The following FTO variants were observed in gnomAD, a reference collection of about 807,000 sequenced individuals.
The protein encoded by FTO is FTO alpha-ketoglutarate dependent dioxygenase.
A neutral mutation model predicts 63.9 loss-of-function variants in FTO; 47 were observed. That is an observed-to-expected ratio of 0.74 (90% CI 0.58 to 0.94). The LOEUF (loss-of-function observed/expected upper bound fraction) is 0.94, where lower values mean the gene tolerates loss of function less well. Among genes scored for constraint, FTO ranks in the 40% least tolerant of loss-of-function variants. The pLI is 0.00. For synonymous variants in FTO, 207 were observed against 224.4 expected, an observed-to-expected ratio of 0.92 and a Z score of 0.69; for missense variants, 562 against 618.1, an observed-to-expected ratio of 0.91 and a Z score of 0.96.
chr16:54,010,380 TG>T (rs2084307844), intron 8 of FTO, among the ~76,000 whole-genome samples: 1 of 152,164 alleles, frequency 6.6e-6, no homozygotes, highest in African/African-American at 2.4e-5. Flanking sequence ...CCCTCCAGCC[TG>T]GGTGACAGAG....
chr16:53,920,338 TCTTC>T (rs2081979447), intron 7 of FTO, among the ~76,000 whole-genome samples: 1 of 152,334 alleles, frequency 6.6e-6, no homozygotes, highest in East Asian at 1.9e-4. Flanking sequence ...GGGCCTTGGT[TCTTC>T]CTTCCTGTGC....
chr16:53,800,362 A>AT (rs2078187353), intron 1 of FTO, among the ~76,000 whole-genome samples: 1 of 152,178 alleles, frequency 6.6e-6, no homozygotes, highest in African/African-American at 2.4e-5. Flanking sequence ...CACAGAATAT[A>AT]TTTTTTATGA....
chr16:53,706,451 C>G (rs1337127966), intron 1 of FTO, among the ~76,000 whole-genome samples: 1 of 152,270 alleles, frequency 6.6e-6, no homozygotes, highest in East Asian at 1.9e-4. Flanking sequence ...CCTTGGCCCC[C>G]AAACAACCAC....
chr16:53,790,002 T>C (rs2077863239), intron 1 of FTO, among the ~76,000 whole-genome samples: 1 of 149,558 alleles, frequency 6.7e-6, no homozygotes, highest in South Asian at 2.1e-4. Context: ...AATATGTTTG[T>C]GTATGTATAG....
intron 8 of FTO, among the ~76,000 whole-genome samples, chr16:53,934,791 G>A (rs999591893): frequency 6.6e-6 from 1 of 152,086 alleles, no homozygotes; most frequent in Middle Eastern, 3.2e-3. Context: ...CTTATGGGAC[G>A]GGACCACTGA....
chr16:53,949,897 G>A (rs1599064361), intron 8 of FTO, among the ~76,000 whole-genome samples: 1 of 151,266 alleles, frequency 6.6e-6, no homozygotes, highest in Non-Finnish European at 1.5e-5. Context: ...TGCCATAAAC[G>A]AACAGAATCC....
At chr16:53,820,777 T>C (rs896538410) in intron 2 of FTO, among the ~76,000 whole-genome samples, 29 of 151,972 alleles carry the variant, frequency 1.9e-4, no homozygotes, top group African/African-American at 6.8e-4. Flanking sequence ...TGATTTCCAG[T>C]TTCATCCATG....
chr16:53,966,242 C>G (rs2083195033), intron 8 of FTO, among the ~76,000 whole-genome samples: 1 of 152,148 alleles, frequency 6.6e-6, no homozygotes, highest in Non-Finnish European at 1.5e-5. Context: ...GTTATTTTTA[C>G]TGTTTAATTG....
chr16:53,882,416 A>G (rs1414575921), intron 6 of FTO, among the ~76,000 whole-genome samples: 1 of 151,872 alleles, frequency 6.6e-6, no homozygotes, highest in Non-Finnish European at 1.5e-5. Flanking sequence ...AATTGAGAGA[A>G]CTAGAGAGCC....
At chr16:53,829,834 A>C (rs181234963) in intron 3 of FTO, among the ~76,000 whole-genome samples, 1 of 152,138 alleles carries the variant, frequency 6.6e-6, no homozygotes, top group African/African-American at 2.4e-5. Context: ...AAATCACTTG[A>C]TTCTAGCCTT....
intron 8 of FTO, among the ~76,000 whole-genome samples, chr16:54,028,575 C>T (rs79847504): frequency 6.6e-6 from 1 of 152,166 alleles, no homozygotes; most frequent in Non-Finnish European, 1.5e-5. Context: ...CCGATTACAA[C>T]TCTTTCCATG....
At chr16:54,002,115 A>T (rs574153281) in intron 8 of FTO, among the ~76,000 whole-genome samples, 1 of 152,326 alleles carries the variant, frequency 6.6e-6, no homozygotes, top group South Asian at 2.1e-4. Context: ...TCTGTTATAA[A>T]GCTAAATGCA....
chr16:53,734,612 A>G (rs1057042422), intron 1 of FTO, among the ~76,000 whole-genome samples: 2 of 152,258 alleles, frequency 1.3e-5, no homozygotes, highest in African/African-American at 4.8e-5. Flanking sequence ...CAGTAATGAC[A>G]TGACTTTTCC....
chr16:53,760,556 G>A (rs1301933916), intron 1 of FTO, among the ~76,000 whole-genome samples: 1 of 147,610 alleles, frequency 6.8e-6, no homozygotes, highest in African/African-American at 2.5e-5. Flanking sequence ...TTAGGATTCA[G>A]GTTTTGCTGT....
intron 8 of FTO, among the ~76,000 whole-genome samples, chr16:54,034,655 G>C (rs564734403): frequency 1.3e-5 from 2 of 152,130 alleles, no homozygotes; most frequent in Admixed American, 6.5e-5. Flanking sequence ...GTAGTTTTAG[G>C]GTCTTAAAAG....
chr16:54,069,651 A>AT (rs151142433), intron 8 of FTO, among the ~76,000 whole-genome samples: 64 of 150,918 alleles, frequency 4.2e-4, no homozygotes, highest in African/African-American at 1.3e-3. Context: ...CATAAGTATT[A>AT]TTTTTTTTTA....
At chr16:54,011,121 A>G (rs1412538422) in intron 8 of FTO, among the ~76,000 whole-genome samples, 2 of 152,210 alleles carry the variant, frequency 1.3e-5, no homozygotes, top group Admixed American at 6.5e-5. Context: ...GAGGGATGAC[A>G]TCACAGTAAC....
chr16:53,985,279 A>G (rs187966403), intron 8 of FTO, among the ~76,000 whole-genome samples: 1 of 152,212 alleles, frequency 6.6e-6, no homozygotes, highest in Non-Finnish European at 1.5e-5. Flanking sequence ...GTGAGGAACA[A>G]CAGCCATTCT....
chr16:53,921,284 C>A (rs2082001041), intron 7 of FTO, among the ~76,000 whole-genome samples: 1 of 152,156 alleles, frequency 6.6e-6, no homozygotes, highest in African/African-American at 2.4e-5. Flanking sequence ...TCATATAATC[C>A]AGTGTGCCCG....
Sources: allele counts gnomAD v4.1 joint callset (sites outside exome capture counted in the v4.1 genomes callset), GRCh38; gene constraint gnomAD v4.1.1; transcripts MANE v1.5; gene names NCBI Gene and HGNC (gene_info 2026-07-23, HGNC 2026-07-21).